Variants in ZBTB40 observed in about 807,000 individuals in gnomAD.
ZBTB40 encodes zinc finger and BTB domain-containing protein 40.
A neutral mutation model predicts 117.5 loss-of-function variants in ZBTB40; 60 were observed. The observed-to-expected ratio is 0.51, with a 90% CI of 0.41 to 0.63. ZBTB40 has a LOEUF of 0.63. ZBTB40 is among the 30% of genes least tolerant of loss of function. The pLI, the probability that ZBTB40 is intolerant of heterozygous loss-of-function variation, is 0.00. For synonymous variants in ZBTB40, 525 were observed against 577.1 expected, an observed-to-expected ratio of 0.91 and a Z score of 1.29; for missense variants, 1,287 against 1,498.5, an observed-to-expected ratio of 0.86 and a Z score of 2.33.
At chr1:22,495,296 G>A (rs1285900644) in intron 3 of ZBTB40, among the ~76,000 whole-genome samples, 1 of 152,194 alleles carries the variant, frequency 6.6e-6, no homozygotes, top group Non-Finnish European at 1.5e-5. Context: ...AGAAATCAAA[G>A]CCAAAACTTA....
intron 3 of ZBTB40, among the ~76,000 whole-genome samples, chr1:22,493,158 T>G (rs1040056074): frequency 2.8e-4 from 43 of 152,346 alleles, no homozygotes; most frequent in African/African-American, 1.0e-3. Flanking sequence ...TTTTTTTCCA[T>G]TTCTTGTTCT....
chr1:22,431,386 A>ATATATATG (rs1415404253), intron 1 of ZBTB40, among the ~76,000 whole-genome samples: 3 of 23,130 alleles, frequency 1.3e-4, no homozygotes, highest in African/African-American at 1.2e-4. Context: ...GTGTGTGTGT[A>ATATATATG]TATATATATA....
upstream of ZBTB40, among the ~76,000 whole-genome samples, chr1:22,451,175 AC>A (rs1309313913): frequency 2.6e-5 from 4 of 152,238 alleles, no homozygotes; most frequent in African/African-American, 9.6e-5. Flanking sequence ...CCTTCAGCCC[AC>A]TGCGCCCCAC....
chr1:22,508,239 G>A (rs1180866293), intron 7 of ZBTB40, 102 bp downstream of exon 7: 1 of 1,389,496 alleles, frequency 7.2e-7, no homozygotes. Flanking sequence ...ATATACATAT[G>A]TAGCCATGTT....
Position 22,502,402 on chromosome 1 carries a change from A to G in ZBTB40, c.1128A>G (p.Glu376=), listed in dbSNP as rs772882535. Reference sequence around the variant, plus strand: ...TGAGACCTATTATGGAGTCCCTGGAAACAGCCAAGGAGGAATTCCTGACTG... The same window carrying G: ...TGAGACCTATTATGGAGTCCCTGGAGACAGCCAAGGAGGAATTCCTGACTG... ...TQLRPIMESL[E]TAKEEFLTGT... The change falls in exon 5 of 18, where the codon GAA becomes GAG. Residue 376 remains glutamate (E), a synonymous_variant. Transcript: ENST00000375647. 4 of 1,614,134 alleles carry G rather than the reference A, an allele frequency of 2.5e-6. No homozygotes were observed. The highest frequency in any genetic ancestry group is 3.3e-4 in the Middle Eastern group (2 of 6,060).
At chr1:22,468,491 T>G (rs1641315177) in intron 1 of ZBTB40, among the ~76,000 whole-genome samples, 1 of 117,056 alleles carries the variant, frequency 8.5e-6, no homozygotes, top group East Asian at 2.5e-4. Context: ...TTTTTTTTTT[T>G]TGGAGACAGG....
At chr1:22,478,276 C>T (rs930724584) in intron 1 of ZBTB40, among the ~76,000 whole-genome samples, 1 of 151,942 alleles carries the variant, frequency 6.6e-6, no homozygotes, top group Non-Finnish European at 1.5e-5. Context: ...GAGACGGAGT[C>T]TCGCTCTGTC....
At chr1:22,510,080 T>C (rs906880102) in intron 9 of ZBTB40, among the ~76,000 whole-genome samples, 3 of 152,190 alleles carry the variant, frequency 2.0e-5, no homozygotes, top group Non-Finnish European at 4.4e-5. Flanking sequence ...CTTCACACAA[T>C]GTGGCCAGCA....
intron 1 of ZBTB40, among the ~76,000 whole-genome samples, chr1:22,441,479 T>C (rs1319479405): frequency 2.9e-5 from 4 of 137,608 alleles, no homozygotes; most frequent in African/African-American, 1.1e-4. Flanking sequence ...CTTTCTTTTT[T>C]TTTTTTTTTT....
chr1:22,512,680 C>G (rs1639273466), intron 11 of ZBTB40, among the ~76,000 whole-genome samples: 1 of 152,126 alleles, frequency 6.6e-6, no homozygotes, highest in African/African-American at 2.4e-5. Context: ...GGAAGATAAG[C>G]CCAGCATTAC....
intron 1 of ZBTB40, among the ~76,000 whole-genome samples, chr1:22,465,943 C>T (rs1413269522): frequency 6.6e-6 from 1 of 152,216 alleles, no homozygotes; most frequent in East Asian, 1.9e-4. Context: ...GATCAGCTGC[C>T]ACCATTATAA....
chr1:22,478,262 T>C lies in ZBTB40; in HGVS notation c.-69-11618T>C, dbSNP rs530572201. Reference sequence around the variant, plus strand: ...TATAATTTTCTTTTTTTTTTCTTTTTTTTGAGACGGAGTCTCGCTCTGTCG... The same window carrying C: ...TATAATTTTCTTTTTTTTTTCTTTTCTTTGAGACGGAGTCTCGCTCTGTCG... On this transcript the variant is annotated intron_variant, in intron 1 of 17. Transcript: ENST00000375647. Among the ~76,000 whole-genome samples the C allele has an allele frequency of 2.6e-5, 4 of 152,310 alleles. No homozygotes were observed. The East Asian group carries it at 7.7e-4, about 29-fold the overall frequency.
intron 1 of ZBTB40, among the ~76,000 whole-genome samples, chr1:22,470,891 A>C (rs1194309633): frequency 6.6e-6 from 1 of 152,218 alleles, no homozygotes; most frequent in Non-Finnish European, 1.5e-5. Context: ...GGTTGCATAC[A>C]CCTAACTTCC....
At chr1:22,441,561 C>T (rs1640733567) in intron 1 of ZBTB40, among the ~76,000 whole-genome samples, 1 of 139,874 alleles carries the variant, frequency 7.1e-6, no homozygotes, top group Admixed American at 7.9e-5. Context: ...CAGCTCACTG[C>T]AACCTCCACC....
At chr1:22,459,983 C>T (rs12408859) in intron 1 of ZBTB40, among the ~76,000 whole-genome samples, 47,704 of 151,880 alleles carry the variant, frequency 0.31, 8,362 homozygotes, top group Admixed American at 0.43. Flanking sequence ...GTTTAGAATC[C>T]CTCCAGAAGA....
At chr1:22,491,667 T>C in intron 3 of ZBTB40, 134 bp downstream of exon 3, 1 of 941,498 alleles carries the variant, frequency 1.1e-6, no homozygotes, top group South Asian at 1.6e-5. Context: ...TTTTTGGACA[T>C]TTATTCCCTA....
chr1:22,446,134 G>A (rs182841424), intron 1 of ZBTB40, among the ~76,000 whole-genome samples: 1 of 151,810 alleles, frequency 6.6e-6, no homozygotes, highest in Non-Finnish European at 1.5e-5. Context: ...AATGGAGAAT[G>A]CCTTTGATAC....
In ZBTB40 at chr1:22,501,546, C is replaced by T. The variant is rs1638938138; in HGVS notation, c.886C>T (p.Leu296=). 1 of 1,614,072 alleles carries T rather than the reference C, an allele frequency of 6.2e-7. No individual in the cohort carries two copies. The change falls in exon 4 of 18, where the codon CTG becomes TTG. Residue 296 remains leucine, a synonymous_variant. Transcript: ENST00000375647. ...AGGACATTCAGCATTCCAGAGAATC[C>T]TGGGTAAAGTAAGAGAGGAAAGCCT... ...EGGHSAFQRI[L]GKVREESLDV...
chr1:22,464,464 A>G (rs1015577758), intron 1 of ZBTB40, among the ~76,000 whole-genome samples: 1 of 152,190 alleles, frequency 6.6e-6, no homozygotes, highest in African/African-American at 2.4e-5. Flanking sequence ...TCAGGCAGAG[A>G]TTATGTCTTA....
Sources: gnomAD v4.1 joint callset for allele counts (sites outside exome capture counted in the v4.1 genomes callset) on GRCh38, gnomAD v4.1.1 for gene constraint, MANE v1.5 for transcripts, NCBI Gene and HGNC (gene_info 2026-07-23, HGNC 2026-07-21) for gene names.